The following MORC3 variants were observed in gnomAD, a reference collection of about 807,000 sequenced individuals.
MORC3 encodes MORC family CW-type zinc finger 3.
MORC3 carries 31 observed loss-of-function variants against 109.1 expected under a neutral mutation model. The observed-to-expected ratio is 0.28, with a 90% CI of 0.21 to 0.38. The LOEUF (loss-of-function observed/expected upper bound fraction) is 0.38, where lower values mean the gene tolerates loss of function less well. Ranked by LOEUF, MORC3 falls within the 10% of genes least tolerant of loss-of-function variation. The pLI is 1.00. For missense variants in MORC3, 867 were observed against 1,135.8 expected (o/e 0.76, Z 3.40); for synonymous variants, 395 against 380.7 (o/e 1.04, Z -0.44).
chr21:36,324,738 A>G (rs1301160347), intron 1 of MORC3, among the ~76,000 whole-genome samples: 1 of 104,566 alleles, frequency 9.6e-6, no homozygotes, highest in Non-Finnish European at 1.9e-5. Context: ...CGGGAGTTTC[A>G]CTCTTGTTGC....
chr21:36,344,736 T>G (rs1465294518), intron 7 of MORC3, 29 bp downstream of exon 7: 6 of 1,610,792 alleles, frequency 3.7e-6, no homozygotes, highest in Admixed American at 3.4e-5. Context: ...CTTATAGAGA[T>G]ATGTTAGTCA....
At chr21:36,340,277 CAA>C (rs1346689464) in intron 5 of MORC3, among the ~76,000 whole-genome samples, 111 of 90,176 alleles carry the variant, frequency 1.2e-3, no homozygotes, top group African/African-American at 3.4e-3. Flanking sequence ...GACTCTGTCT[CAA>C]AAAAAAAAAA....
intron 10 of MORC3, among the ~76,000 whole-genome samples, chr21:36,358,480 A>G (rs1195666208): frequency 6.6e-6 from 1 of 151,864 alleles, no homozygotes; most frequent in African/African-American, 2.4e-5. Flanking sequence ...CATAGGCTGT[A>G]TCCAGTGGGT....
intron 5 of MORC3, 197 bp downstream of exon 5, chr21:36,339,118 T>G (rs2085406774): frequency 1.7e-6 from 1 of 573,356 alleles, no homozygotes; most frequent in Non-Finnish European, 2.7e-6. Flanking sequence ...TTTCATCTTG[T>G]TAAAAAAAAT....
rs114616117 is a variant in MORC3 at position 36,320,465 on chromosome 21, A to G, written c.39+162A>G. 9,323 of 610,606 alleles carry G rather than the reference A, an allele frequency of 0.015. 687 individuals are homozygous for G. The African/African-American group carries it at 0.16, about 11-fold the overall frequency. 37.8% of individuals were successfully genotyped at this position (610,606 alleles called of 1,614,324 possible). A position where few individuals can be genotyped will look rare whatever the true frequency, so the allele number is the denominator to read the frequency against. On this transcript the variant is annotated intron_variant, in intron 1 of 16. Coordinates refer to ENST00000400485, the MANE Select transcript of MORC3 (RefSeq NM_015358.3). Reference sequence around the variant, plus strand: ...CGGCCATCTCGCTCCCGTCGGCGGAACAGCTCGGCTGCGGGCCGGGCTGCG... The same window carrying G: ...CGGCCATCTCGCTCCCGTCGGCGGAGCAGCTCGGCTGCGGGCCGGGCTGCG...
At position 36,344,722 on chromosome 21, in the gene MORC3, A is replaced by AT. The variant is rs1160885108; in HGVS notation, c.885+17dup. The AT allele has an allele frequency of 1.5e-5, 24 of 1,612,662 alleles. No individual in the cohort carries two copies. The highest frequency in any genetic ancestry group is 2.0e-5 in the Non-Finnish European group (24 of 1,179,398). ...CAAAATTTTTAGTATCCTTTTTCTG[A>AT]TTCCTTATAGAGATATGTTAGTCAG... On this transcript the variant is annotated intron_variant, in intron 7 of 16. Coordinates refer to ENST00000400485, the MANE Select transcript of MORC3 (RefSeq NM_015358.3).
chr21:36,363,634 C>T (rs1467052247), intron 13 of MORC3, among the ~76,000 whole-genome samples: 1 of 152,122 alleles, frequency 6.6e-6, no homozygotes, highest in Admixed American at 6.5e-5. Context: ...AAAATGATTG[C>T]TTGAGTACTC....
chr21:36,331,736 A>G (rs2085317443), intron 1 of MORC3, among the ~76,000 whole-genome samples: 1 of 152,256 alleles, frequency 6.6e-6, no homozygotes, highest in African/African-American at 2.4e-5. Context: ...AATTGTGAGT[A>G]AAATCAGGCA....
rs755444979 is a variant in MORC3, at chr21:36,369,241, A to T, written c.1873A>T (p.Thr625Ser). 4 of 1,614,080 alleles carry T rather than the reference A, an allele frequency of 2.5e-6. No individual in the cohort carries two copies. The Admixed American group carries it at 5.0e-5, about 20-fold the overall frequency. Residue 625 changes from threonine (T) to serine (S), a missense_variant, in exon 15 of 17, where the codon ACA (threonine) becomes TCA (serine). By Grantham distance (58) the Thr-to-Ser change is moderately conservative. Coordinates refer to ENST00000400485, the MANE Select transcript of MORC3 (RefSeq NM_015358.3). ...DSEPCGQTGS[T>S]STSSSRCDQG... Reference sequence around the variant, plus strand: ...TGAACCTTGTGGCCAGACTGGTTCAACAAGCACCTCATCATCCCGATGCGA... The same window carrying T: ...TGAACCTTGTGGCCAGACTGGTTCATCAAGCACCTCATCATCCCGATGCGA...
intron 1 of MORC3, among the ~76,000 whole-genome samples, chr21:36,327,098 G>A (rs2085255831): frequency 6.7e-6 from 1 of 149,830 alleles, no homozygotes; most frequent in South Asian, 2.1e-4. Flanking sequence ...TACAGCAGGC[G>A]TGAGCCAGCG....
intron 1 of MORC3, among the ~76,000 whole-genome samples, chr21:36,323,245 C>T (rs1226004981): frequency 2.0e-5 from 3 of 152,176 alleles, no homozygotes; most frequent in African/African-American, 4.8e-5. Context: ...TGATATGTAG[C>T]TTAGTGACTG....
chr21:36,363,473 A>G (rs1341922984), intron 13 of MORC3, among the ~76,000 whole-genome samples: 1 of 152,154 alleles, frequency 6.6e-6, no homozygotes, highest in African/African-American at 2.4e-5. Context: ...CACTTAACCT[A>G]TTGAATATCA....
intron 16 of MORC3, among the ~76,000 whole-genome samples, chr21:36,374,045 G>A (rs1023575358): frequency 3.3e-5 from 5 of 152,130 alleles, no homozygotes; most frequent in Admixed American, 2.6e-4. Context: ...GTAAATGCAC[G>A]GTAACTTAAG....
At chr21:36,328,130 G>A (rs1175800480) in intron 1 of MORC3, among the ~76,000 whole-genome samples, 1 of 152,018 alleles carries the variant, frequency 6.6e-6, no homozygotes, top group African/African-American at 2.4e-5. Flanking sequence ...ACCTGCCGCG[G>A]CCTCCCAAAG....
intron 13 of MORC3, among the ~76,000 whole-genome samples, chr21:36,363,123 A>G (rs1001011233): frequency 2.6e-5 from 4 of 152,146 alleles, no homozygotes; most frequent in African/African-American, 9.7e-5. Context: ...TAAGCCCATT[A>G]TAAGTTGAAA....
chr21:36,331,612 A>AAAAAC (rs148273309), intron 1 of MORC3, among the ~76,000 whole-genome samples: 1 of 151,092 alleles, frequency 6.6e-6, no homozygotes, highest in Non-Finnish European at 1.5e-5. Context: ...AAAAAAACAA[A>AAAAAC]AAACAAACAA....
Position 36,369,625 on chromosome 21 carries a change from G to A in MORC3, c.2257G>A (p.Val753Ile). The change falls in exon 15 of 17, where the codon GTA (valine) becomes ATA (isoleucine). Residue 753 changes from valine (V) to isoleucine (I), a missense_variant. Val to Ile is a conservative substitution (Grantham distance 29). Around this residue, in one of 7 missense-constraint regions of MORC3, gnomAD observed 486 missense variants for 502.1 expected, o/e 0.97. Coordinates refer to ENST00000400485, the MANE Select transcript of MORC3 (RefSeq NM_015358.3). ...CCATCAGTCCACTGAAACCGATGCTGTATTTTTACTTGAAAGTATTAATGG... is the reference window on the plus strand; with the variant it reads ...CCATCAGTCCACTGAAACCGATGCTATATTTTTACTTGAAAGTATTAATGG... ...TCHQSTETDA[V>I]FLLESINGKS... 1 of 1,614,192 alleles carries A rather than the reference G, an allele frequency of 6.2e-7. No homozygotes were observed. Among genetic ancestry groups the A allele is most frequent in the Non-Finnish European group, 8.5e-7 (1 of 1,180,040 alleles).
At chr21:36,322,746 T>C (rs557196849) in intron 1 of MORC3, among the ~76,000 whole-genome samples, 2 of 152,298 alleles carry the variant, frequency 1.3e-5, no homozygotes, top group South Asian at 2.1e-4. Flanking sequence ...ACAAAAAGTT[T>C]TTAAATTTTT....
chr21:36,368,604 A>C (rs750862631), intron 14 of MORC3, among the ~76,000 whole-genome samples: 10 of 152,240 alleles, frequency 6.6e-5, no homozygotes, highest in Non-Finnish European at 1.3e-4. Flanking sequence ...AGCTGGGCAC[A>C]GTGGCTCATG....
Sources: allele counts gnomAD v4.1 joint callset (sites outside exome capture counted in the v4.1 genomes callset), GRCh38; gene constraint gnomAD v4.1.1; regional missense constraint gnomAD v4.1.1; transcripts MANE v1.5; gene names NCBI Gene and HGNC (gene_info 2026-07-23, HGNC 2026-07-21).